Variants in KCNK9 observed in about 807,000 individuals in gnomAD.
The protein encoded by KCNK9 is potassium two pore domain channel subfamily K member 9.
KCNK9 carries 1 observed loss-of-function variant against 10.8 expected under a neutral mutation model. The observed-to-expected ratio is 0.09, with a 90% CI of 0.03 to 0.44. The LOEUF (loss-of-function observed/expected upper bound fraction) is 0.44, where lower values mean the gene tolerates loss of function less well. Among genes scored for constraint, KCNK9 ranks in the 20% least tolerant of loss-of-function variants. The pLI, the probability that KCNK9 is intolerant of heterozygous loss-of-function variation, is 0.97. For missense variants in KCNK9, 303 were observed against 515.0 expected (o/e 0.59, Z 3.98); for synonymous variants, 231 against 222.7 (o/e 1.04, Z -0.33).
intron 1 of KCNK9, among the ~76,000 whole-genome samples, chr8:139,623,779 CTT>C (rs979467701): frequency 2.0e-5 from 3 of 152,138 alleles, no homozygotes; most frequent in African/African-American, 7.2e-5. Context: ...AAAGGGGTCA[CTT>C]ATCCCTTTGG....
rs79827818 is a variant in KCNK9 at position 139,682,521 on chromosome 8, G to A, written c.283+20189C>T. ...AGAGGAGACATCTTCAGTGGCTAGG[G>A]ATGCCCCACTCTAGCCTGGGACTCA... On this transcript the variant is annotated intron_variant, in intron 1 of 1. Transcript: ENST00000520439. 5.1e-3 allele frequency among the ~76,000 whole-genome samples: 781 copies of A among 152,322 alleles called. 7 individuals carry two copies. The highest frequency in any genetic ancestry group is 0.017 in the African/African-American group (724 of 41,578).
chr8:139,697,740 G>A (rs1817097076), intron 1 of KCNK9, among the ~76,000 whole-genome samples: 1 of 152,112 alleles, frequency 6.6e-6, no homozygotes, highest in Non-Finnish European at 1.5e-5. Flanking sequence ...CATGCTGGGT[G>A]TCTCCGCATT....
At chr8:139,698,295 C>G (rs904134789) in intron 1 of KCNK9, among the ~76,000 whole-genome samples, 3 of 152,182 alleles carry the variant, frequency 2.0e-5, no homozygotes, top group Non-Finnish European at 2.9e-5. Context: ...CTGCTTGGTG[C>G]TGTATTCTGC....
At chr8:139,612,433 G>GC (rs1491372744), downstream of KCNK9, 1 of 151,996 alleles carries the variant, frequency 6.6e-6, no homozygotes, top group Non-Finnish European at 1.5e-5. Context: ...GAGGAGCTTT[G>GC]GGGGGGCCAG....
chr8:139,641,873 C>T (rs1419464275), intron 1 of KCNK9, among the ~76,000 whole-genome samples: 1 of 152,144 alleles, frequency 6.6e-6, no homozygotes, highest in Non-Finnish European at 1.5e-5. Flanking sequence ...ACAGAGTGAG[C>T]ACTCAGGGAG....
At chr8:139,636,010 A>AAG (rs1815326990) in intron 1 of KCNK9, among the ~76,000 whole-genome samples, 1 of 152,222 alleles carries the variant, frequency 6.6e-6, no homozygotes, top group Non-Finnish European at 1.5e-5. Context: ...GGAATCCGTT[A>AAG]GACCCCCGTT....
chr8:139,687,478 G>T (rs1395460529), intron 1 of KCNK9, among the ~76,000 whole-genome samples: 1 of 64,460 alleles, frequency 1.6e-5, no homozygotes, highest in African/African-American at 6.0e-5. Context: ...TCATATATAT[G>T]TATACATATA....
At chr8:139,671,360 G>A (rs72681274) in intron 1 of KCNK9, among the ~76,000 whole-genome samples, 11 of 152,266 alleles carry the variant, frequency 7.2e-5, no homozygotes, top group Non-Finnish European at 1.3e-4. Context: ...TGTTCGCAGT[G>A]GAAGGAACCA....
intron 1 of KCNK9, among the ~76,000 whole-genome samples, chr8:139,672,675 G>T (rs571586810): frequency 6.6e-6 from 1 of 152,358 alleles, no homozygotes; most frequent in African/African-American, 2.4e-5. Flanking sequence ...CACAGCCCCC[G>T]TGGGGGAGCC....
intron 1 of KCNK9, among the ~76,000 whole-genome samples, chr8:139,670,925 C>T (rs938758218): frequency 2.0e-5 from 3 of 152,194 alleles, no homozygotes; most frequent in Admixed American, 2.0e-4. Flanking sequence ...CATCACAGGG[C>T]AGGGACAGGG....
Position 139,617,539 on chromosome 8 carries a change from CATT to C in KCNK9, c.*716_*718del, listed in dbSNP as rs1814636014. Among the ~76,000 whole-genome samples the C allele has an allele frequency of 6.6e-6, 1 of 152,106 alleles. No individual in the cohort carries two copies. Among genetic ancestry groups the C allele is most frequent in the African/African-American group, 2.4e-5 (1 of 41,404 alleles). ...GTCTTGCCCACCCGCCCCTAAAAAA[CATT>C]AATATAATTTAGAACCTAGCATTTA... On this transcript the variant is annotated 3_prime_UTR_variant, in exon 2 of 2. Coordinates refer to ENST00000520439, the MANE Select transcript of KCNK9 (RefSeq NM_001282534.2).
At chr8:139,605,318 G>A (rs1342812725) in intron 2 of KCNK9, among the ~76,000 whole-genome samples, 1 of 152,184 alleles carries the variant, frequency 6.6e-6, no homozygotes, top group Non-Finnish European at 1.5e-5. Context: ...ATTGCCTCCT[G>A]GAAATGGTGC....
intron 1 of KCNK9, among the ~76,000 whole-genome samples, chr8:139,700,728 A>G (rs1817199276): frequency 6.6e-6 from 1 of 152,140 alleles, no homozygotes; most frequent in African/African-American, 2.4e-5. Context: ...TTCCCTTGAC[A>G]GCTTCTCTTT....
intron 1 of KCNK9, among the ~76,000 whole-genome samples, chr8:139,620,038 T>C (rs1483587291): frequency 2.0e-5 from 3 of 151,912 alleles, no homozygotes; most frequent in Non-Finnish European, 4.4e-5. Flanking sequence ...GTCAAGACTG[T>C]ATTTCCTCAC....
At chr8:139,676,084 G>T (rs1816543932) in intron 1 of KCNK9, among the ~76,000 whole-genome samples, 1 of 152,362 alleles carries the variant, frequency 6.6e-6, no homozygotes, top group African/African-American at 2.4e-5. Flanking sequence ...AGGGCCACAA[G>T]ATGGAAGGAG....
intron 1 of KCNK9, among the ~76,000 whole-genome samples, chr8:139,625,689 C>G (rs1814949460): frequency 6.6e-6 from 1 of 150,558 alleles, no homozygotes; most frequent in Non-Finnish European, 1.5e-5. Flanking sequence ...AGAGAAGCAG[C>G]CTTCATCTCT....
intron 1 of KCNK9, among the ~76,000 whole-genome samples, chr8:139,664,079 A>G (rs892222574): frequency 2.6e-5 from 4 of 152,302 alleles, no homozygotes; most frequent in South Asian, 4.1e-4. Context: ...GCCCAAGGCC[A>G]TACACTAAGA....
rs535655478 is a variant in KCNK9 at position 139,632,350 on chromosome 8, C to T, written c.284-13251G>A. Among the ~76,000 whole-genome samples the T allele has an allele frequency of 2.5e-4, 38 of 152,358 alleles. No individual in the cohort carries two copies. In the South Asian group the frequency reaches 6.8e-3, roughly 27 times the overall value. On this transcript the variant is annotated intron_variant, in intron 1 of 1. Transcript: ENST00000520439. ...CACTGAACTCAGTGCACACTGATGA[C>T]GGAGTCAGCCCACGCTGGAGTCTGA... is the stretch of plus-strand genomic sequence containing the variant.
intron 1 of KCNK9, among the ~76,000 whole-genome samples, chr8:139,661,792 G>A (rs529403171): frequency 6.6e-6 from 1 of 152,316 alleles, no homozygotes; most frequent in East Asian, 1.9e-4. Flanking sequence ...CCAGACCTCT[G>A]AGGACGTCCA....
Sources: allele counts gnomAD v4.1 joint callset (sites outside exome capture counted in the v4.1 genomes callset), GRCh38; gene constraint gnomAD v4.1.1; transcripts MANE v1.5; gene names NCBI Gene and HGNC (gene_info 2026-07-23, HGNC 2026-07-21).